The following NLRP6 variants were observed in gnomAD, a reference collection of about 807,000 sequenced individuals.
The protein encoded by NLRP6 is NLR family pyrin domain containing 6, also known as NACHT, LRR and PYD domains-containing protein 6.
In NLRP6, 55 loss-of-function variants were observed where a neutral mutation model predicts 70.9. The observed-to-expected ratio is 0.78, with a 90% CI of 0.62 to 0.97. The LOEUF (loss-of-function observed/expected upper bound fraction) is 0.97. NLRP6 is among the 50% of genes least tolerant of loss of function. NLRP6 has a pLI of 0.00. For synonymous variants in NLRP6, 652 were observed against 581.9 expected, an observed-to-expected ratio of 1.12 and a Z score of -1.73; for missense variants, 1,241 against 1,238.3, an observed-to-expected ratio of 1.00 and a Z score of -0.03.
At position 279,866 on chromosome 11, in the gene NLRP6, G is replaced by T. The variant is rs745445511; in HGVS notation, c.343G>T (p.Val115Leu). Residue 115 changes from valine (V) to leucine (L), a missense_variant, in exon 3 of 8, where the codon GTG becomes TTG. Val to Leu is a conservative substitution (Grantham distance 32). Coordinates refer to ENST00000534750, the MANE Select transcript of NLRP6 (RefSeq NM_001276700.2). Reference sequence around the variant, plus strand: ...GCTCGGCTCCGGGACGCTGCTCTCCGTGTCCGGTGGGTCTCTCGCTGGGGG... The same window carrying T: ...GCTCGGCTCCGGGACGCTGCTCTCCTTGTCCGGTGGGTCTCTCGCTGGGGG... ...LGLGSGTLLS[V>L]SEYKKKYREH... 3 of 1,548,338 alleles carry T rather than the reference G, an allele frequency of 1.9e-6. No individual in the cohort carries two copies. Among genetic ancestry groups the T allele is most frequent in the Middle Eastern group, 1.8e-4 (1 of 5,564 alleles).
In NLRP6 at chr11:281,074, G is replaced by A. The variant is rs774211761; in HGVS notation, c.1340G>A (p.Arg447His). 1 of 1,612,738 alleles carries A rather than the reference G, an allele frequency of 6.2e-7. No individual in the cohort carries two copies. Among genetic ancestry groups the A allele is most frequent in the Non-Finnish European group, 8.5e-7 (1 of 1,179,786 alleles). ...RLQGDLRNLC[R>H]LAREGVLGRR... ...CAGGGCGACCTGCGCAATCTGTGCC[G>A]CCTGGCCCGCGAGGGCGTCCTCGGA... Residue 447 changes from arginine to histidine, a missense_variant, in exon 4 of 8, where the codon CGC (arginine) becomes CAC (histidine). By Grantham distance (29) the Arg-to-His change is conservative. Transcript: ENST00000534750.
At chr11:281,951 G>C in intron 4 of NLRP6, 112 bp downstream of exon 4, 1 of 958,444 alleles carries the variant, frequency 1.0e-6, no homozygotes, top group Non-Finnish European at 1.5e-6. Context: ...CCAGACCCTG[G>C]CTCCCCAGAT....
rs1319554773 is a variant in NLRP6 at position 281,523 on chromosome 11, G to A, written c.1789G>A (p.Ala597Thr). ...PGVAPEVTEGAKGLEDTEEPE... is the reference protein window; with the variant it reads ...PGVAPEVTEGTKGLEDTEEPE... The stretch of plus-strand genomic sequence containing the variant: ...AGTGGCACCAGAGGTGACCGAGGGG[G>A]CCAAAGGGCTCGAGGACACCGAAGA... Residue 597 changes from alanine to threonine, a missense_variant, in exon 4 of 8, where the codon GCC becomes ACC. Ala to Thr is a moderately conservative substitution (Grantham distance 58). Transcript: ENST00000534750. The A allele has an allele frequency of 6.2e-7, 1 of 1,608,450 alleles. No individual in the cohort carries two copies.
At position 281,473 on chromosome 11, in the gene NLRP6, A is replaced by G. The variant is rs761266217; in HGVS notation, c.1739A>G (p.Gln580Arg). The stretch of plus-strand genomic sequence containing the variant: ...AAGCAGGAGGCCCTGCGGTGGGTGC[A>G]GGGACAGGGACAGGGCTGCCCCGGA... Reference protein sequence around the residue: ...RVKQEALRWVQGQGQGCPGVA... With the variant: ...RVKQEALRWVRGQGQGCPGVA... The change falls in exon 4 of 8, where the codon CAG becomes CGG. Residue 580 changes from glutamine (Q) to arginine (R), a missense_variant. Transcript: ENST00000534750. 3 of 1,596,290 alleles carry G rather than the reference A, an allele frequency of 1.9e-6. No individual in the cohort carries two copies. The highest frequency in any genetic ancestry group is 2.6e-6 in the Non-Finnish European group (3 of 1,169,910).
chr11:278,442 T>G lies in NLRP6; in HGVS notation c.-128T>G. 1 of 677,204 alleles carries G rather than the reference T, an allele frequency of 1.5e-6. No individual in the cohort carries two copies. Among genetic ancestry groups the G allele is most frequent in the Non-Finnish European group, 2.4e-6 (1 of 412,736 alleles). 41.9% of individuals were successfully genotyped at this position (677,204 alleles called of 1,614,324 possible). ...ATCTCGTGCCAGCTGAGCTGCGGTG[T>G]GTGGACCCGGGGAATGGACCGGGCT... On this transcript the variant is annotated 5_prime_UTR_variant, in exon 1 of 8. Transcript: ENST00000534750. This position sits in a 1 kb window ranked among gnomAD's most constrained non-coding sequence, Gnocchi z 4.7.
Position 278,759 on chromosome 11 carries a change from G to A in NLRP6, c.29+161G>A, listed in dbSNP as rs1181406972. On this transcript the variant is annotated intron_variant, in intron 1 of 7. Coordinates refer to ENST00000534750, the MANE Select transcript of NLRP6 (RefSeq NM_001276700.2). The surrounding 1 kb of genome is among the most constrained non-coding windows in gnomAD (Gnocchi z 4.7). ...AGCCAAGCACTGCCTCCCCACAGAG[G>A]GCATTTGTGGAGTCTGTTCCCCACC... is the stretch of plus-strand genomic sequence containing the variant. Among the ~76,000 whole-genome samples, 2 of 152,212 alleles carry A rather than the reference G, an allele frequency of 1.3e-5. No individual in the cohort carries two copies. The highest frequency in any genetic ancestry group is 2.9e-5 in the Non-Finnish European group (2 of 68,044).
Position 280,074 on chromosome 11 carries a change from C to T in NLRP6, c.350-10C>T. ...ACCCTTGTCCCCGCGCTGTCTCCCG[C>T]TGCGCCCAGAGTACAAGAAGAAGTA... On this transcript the variant is annotated splice_polypyrimidine_tract_variant and intron_variant, in intron 3 of 7. Transcript: ENST00000534750. 1 of 1,469,766 alleles carries T rather than the reference C, an allele frequency of 6.8e-7. No individual in the cohort carries two copies. The highest frequency in any genetic ancestry group is 9.0e-7 in the Non-Finnish European group (1 of 1,111,118). 91.0% of individuals were successfully genotyped at this position (1,469,766 alleles called of 1,614,324 possible).
Position 278,617 on chromosome 11 carries a change from G to A in NLRP6, c.29+19G>A. 2 of 1,575,576 alleles carry A rather than the reference G, an allele frequency of 1.3e-6. No homozygotes were observed. The highest frequency in any genetic ancestry group is 1.2e-5 in the South Asian group (1 of 86,430). On this transcript the variant is annotated intron_variant, in intron 1 of 7. Coordinates refer to ENST00000534750, the MANE Select transcript of NLRP6 (RefSeq NM_001276700.2). This position sits in a 1 kb window ranked among gnomAD's most constrained non-coding sequence, Gnocchi z 4.7. ...GCTCCAGGTGAGTGCTGGCCCCAGGGTGGTCACTGGGAACCGGCTGGTCTC... is the reference window on the plus strand; with the variant it reads ...GCTCCAGGTGAGTGCTGGCCCCAGGATGGTCACTGGGAACCGGCTGGTCTC...
chr11:282,092 G>A (rs1031263279), intron 4 of NLRP6, among the ~76,000 whole-genome samples: 4 of 152,156 alleles, frequency 2.6e-5, no homozygotes, highest in African/African-American at 9.7e-5. Context: ...CTACAGCTCT[G>A]GCCCAGCCCT....
chr11:282,629 A>T, intron 4 of NLRP6, 76 bp from the exon 5 acceptor site: 1 of 1,131,904 alleles, frequency 8.8e-7, no homozygotes, highest in Non-Finnish European at 1.3e-6. Context: ...CCCCAGGACT[A>T]CAGATAGACA....
rs1173709480 is a variant in NLRP6 at position 280,898 on chromosome 11, C to T, written c.1164C>T (p.Pro388=). The part of the protein sequence containing the change: ...NETLFALCFV[P]FVCWIVCTVL... Reference sequence around the variant, plus strand: ...CGCTGTTCGCGCTGTGCTTCGTGCCCTTCGTGTGCTGGATCGTGTGCACCG... The same window carrying T: ...CGCTGTTCGCGCTGTGCTTCGTGCCTTTCGTGTGCTGGATCGTGTGCACCG... The change falls in exon 4 of 8, where the codon CCC becomes CCT. Residue 388 remains proline (P), a synonymous_variant. Coordinates refer to ENST00000534750, the MANE Select transcript of NLRP6 (RefSeq NM_001276700.2). The T allele has an allele frequency of 1.2e-6, 2 of 1,613,336 alleles. No homozygotes were observed. Among genetic ancestry groups the T allele is most frequent in the East Asian group, 4.5e-5 (2 of 44,884 alleles).
intron 4 of NLRP6, among the ~76,000 whole-genome samples, 184 bp from the exon 5 acceptor site, chr11:282,521 G>A (rs951116295): frequency 6.6e-6 from 1 of 152,218 alleles, no homozygotes; most frequent in Non-Finnish European, 1.5e-5. Context: ...GTGGGATGAT[G>A]CCTGGGCCAC....
Position 284,497 on chromosome 11 carries a change from C to T in NLRP6, c.2392C>T (p.Arg798Ter), listed in dbSNP as rs370721274. ...CAGGGTACAGCTGCCTGACCCCCAGCGAGGGCTCCAGTACCTGGTGGGTAT... is the reference window on the plus strand; with the variant it reads ...CAGGGTACAGCTGCCTGACCCCCAGTGAGGGCTCCAGTACCTGGTGGGTAT... ...TVRVQLPDPQRGLQYLVGMLR... is the reference protein window; with the variant it reads ...TVRVQLPDPQ The change falls in exon 7 of 8, where the codon CGA becomes TGA. Residue 798 changes from arginine (R) to a stop codon, truncating the protein, a stop_gained. Coordinates refer to ENST00000534750, the MANE Select transcript of NLRP6 (RefSeq NM_001276700.2). LOFTEE classifies it high-confidence loss of function. 162 of 1,612,914 alleles carry T rather than the reference C, an allele frequency of 1.0e-4. No individual in the cohort carries two copies. The highest frequency in any genetic ancestry group is 1.3e-4 in the Non-Finnish European group (155 of 1,179,816).
rs551337472 is a variant in NLRP6, at chr11:280,656, C to T, written c.922C>T (p.Leu308=). The T allele has an allele frequency of 1.5e-4, 225 of 1,524,862 alleles. 1 individual carries two copies. In the African/African-American group the frequency reaches 3.1e-3, roughly 21 times the overall value. The allele number at this position is 1,524,862 out of a possible 1,614,324, so 94.5% of individuals were successfully genotyped here. Reference sequence around the variant, plus strand: ...CGAGGCGGCGAGCGGCGCGCGGGTGCTAGGCGGGCTGCTGAGCAAGGCGCT... The same window carrying T: ...CGAGGCGGCGAGCGGCGCGCGGGTGTTAGGCGGGCTGCTGAGCAAGGCGCT... ...PFEAASGARV[L]GGLLSKALLP... The change falls in exon 4 of 8, where the codon CTA becomes TTA. Residue 308 remains leucine (L), a synonymous_variant. Coordinates refer to ENST00000534750, the MANE Select transcript of NLRP6 (RefSeq NM_001276700.2).
At position 284,515 on chromosome 11, in the gene NLRP6, G is replaced by A. The variant is rs748967732; in HGVS notation, c.2410G>A (p.Val804Met). The A allele has an allele frequency of 6.2e-7, 1 of 1,613,040 alleles. No homozygotes were observed. The highest frequency in any genetic ancestry group is 8.5e-7 in the Non-Finnish European group (1 of 1,179,874). The change falls in exon 7 of 8, where the codon GTG (valine) becomes ATG (methionine). Residue 804 changes from valine (V) to methionine (M), a missense_variant. Transcript: ENST00000534750. ...PDPQRGLQYL[V>M]GMLRQSPALT... is the part of the protein sequence containing the mutation. ...CCCCCAGCGAGGGCTCCAGTACCTG[G>A]TGGGTATGCTTCGGCAGAGCCCTGC...
At chr11:282,227 TGG>T (rs1845489823) in intron 4 of NLRP6, among the ~76,000 whole-genome samples, 1 of 152,206 alleles carries the variant, frequency 6.6e-6, no homozygotes, top group South Asian at 2.1e-4. Flanking sequence ...AAGTCTGCCC[TGG>T]CTCCCCCAGC....
chr11:284,442 C>T (rs1338468588), intron 6 of NLRP6, 33 bp from the exon 7 acceptor site: 1 of 1,605,190 alleles, frequency 6.2e-7, no homozygotes, highest in Non-Finnish European at 8.5e-7. Context: ...GCCCCCGCCA[C>T]CCCAGCAGCT....
rs768864144 is a variant in NLRP6, at chr11:280,821, C to G, written c.1087C>G (p.Arg363Gly). The change falls in exon 4 of 8, where the codon CGG (arginine) becomes GGG (glycine). Residue 363 changes from arginine to glycine, a missense_variant. Transcript: ENST00000534750. ...GAAGAAGTATTTCTACAAGTATTTC[C>G]GGGATGAGAGGAGGGCCGAGCGCGC... ...DKKKYFYKYF[R>G]DERRAERAYR... 10 of 1,612,876 alleles carry G rather than the reference C, an allele frequency of 6.2e-6. No individual in the cohort carries two copies. The African/African-American group carries it at 1.3e-4, about 22-fold the overall frequency.
Position 280,368 on chromosome 11 carries a change from G to T in NLRP6, c.634G>T (p.Ala212Ser). ...GPAGIGKTMA[A>S]KKILYDWAAG... ...GGCGGGCATCGGCAAGACCATGGCGGCCAAAAAGATCCTGTACGACTGGGC... is the reference window on the plus strand; with the variant it reads ...GGCGGGCATCGGCAAGACCATGGCGTCCAAAAAGATCCTGTACGACTGGGC... Residue 212 changes from alanine (A) to serine (S), a missense_variant, in exon 4 of 8, where the codon GCC becomes TCC. By Grantham distance (99) the Ala-to-Ser change is moderately conservative. Transcript: ENST00000534750. 6.5e-7 allele frequency: 1 copy of T among 1,542,124 alleles called. No homozygotes were observed. Among genetic ancestry groups the T allele is most frequent in the Non-Finnish European group, 8.7e-7 (1 of 1,149,342 alleles).
Sources: allele counts gnomAD v4.1 joint callset (sites outside exome capture counted in the v4.1 genomes callset), GRCh38; gene constraint gnomAD v4.1.1; non-coding constraint Gnocchi (gnomAD v3.1); transcripts MANE v1.5; gene names NCBI Gene and HGNC (gene_info 2026-07-23, HGNC 2026-07-21).